PABPC4L: variants seen among roughly 807,000 people sequenced by gnomAD.
The protein encoded by PABPC4L is poly(A) binding protein cytoplasmic 4 like, also known as polyadenylate-binding protein 4-like.
For missense variants in PABPC4L, 452 were observed against 451.4 expected (o/e 1.00, Z -0.01); for synonymous variants, 169 against 164.1 (o/e 1.03, Z -0.23).
At chr4:133,998,452 A>C in the PABPC4L span, among the ~76,000 whole-genome samples, 1 of 151,960 alleles carries the variant, frequency 6.6e-6, no homozygotes, top group Non-Finnish European at 1.5e-5. Flanking sequence ...TCATAGTTTT[A>C]TATACTATTG....
At chr4:134,037,557 A>G in the PABPC4L span, among the ~76,000 whole-genome samples, 1 of 152,186 alleles carries the variant, frequency 6.6e-6, no homozygotes, top group South Asian at 2.1e-4. Flanking sequence ...AGGAATACAA[A>G]CAAATAAGCA....
At chr4:134,059,161 C>A in the PABPC4L span, among the ~76,000 whole-genome samples, 1 of 151,846 alleles carries the variant, frequency 6.6e-6, no homozygotes, top group African/African-American at 2.4e-5. Flanking sequence ...ACTCCCCAAT[C>A]TAGGAAAATG....
chr4:133,976,293 T>G, the PABPC4L span, among the ~76,000 whole-genome samples: 2 of 152,336 alleles, frequency 1.3e-5, no homozygotes, highest in East Asian at 1.9e-4. Flanking sequence ...TTCTCATTCT[T>G]TTTATGGCTG....
At chr4:134,138,486 C>T in the PABPC4L span, among the ~76,000 whole-genome samples, 1 of 151,680 alleles carries the variant, frequency 6.6e-6, no homozygotes, top group Non-Finnish European at 1.5e-5. Flanking sequence ...AAAAGGAGGA[C>T]TATTTTTAAT....
chr4:134,075,791 T>C, the PABPC4L span, among the ~76,000 whole-genome samples: 1 of 152,194 alleles, frequency 6.6e-6, no homozygotes, highest in African/African-American at 2.4e-5. Context: ...TGTAAAATTT[T>C]ATGTGTTCTA....
the PABPC4L span, among the ~76,000 whole-genome samples, chr4:134,041,543 T>C: frequency 6.6e-6 from 1 of 151,446 alleles, no homozygotes. Context: ...CACATGGATG[T>C]GGGGGTGGGG....
the PABPC4L span, among the ~76,000 whole-genome samples, chr4:134,092,515 G>A: frequency 2.6e-5 from 4 of 151,992 alleles, no homozygotes; most frequent in South Asian, 4.2e-4. Flanking sequence ...GGTACCAAGA[G>A]GGTAGGGTAT....
the PABPC4L span, among the ~76,000 whole-genome samples, chr4:134,110,429 AT>A: frequency 1.3e-4 from 20 of 151,994 alleles, no homozygotes. Flanking sequence ...TATGAAAAAT[AT>A]TTTTTTCTTA....
chr4:134,162,683 A>T, the PABPC4L span, among the ~76,000 whole-genome samples: 1 of 152,140 alleles, frequency 6.6e-6, no homozygotes, highest in African/African-American at 2.4e-5. Flanking sequence ...ACAGTGAAAT[A>T]AAACTAGAAG....
At chr4:133,965,733 A>G in the PABPC4L span, among the ~76,000 whole-genome samples, 3 of 152,182 alleles carry the variant, frequency 2.0e-5, no homozygotes, top group Non-Finnish European at 2.9e-5. Flanking sequence ...ACCCTTTTCA[A>G]CAAATGATGC....
chr4:134,063,642 C>T, the PABPC4L span, among the ~76,000 whole-genome samples: 1 of 151,882 alleles, frequency 6.6e-6, no homozygotes, highest in African/African-American at 2.4e-5. Flanking sequence ...TAAAAGTGTT[C>T]TTCGTACTAT....
chr4:134,091,566 C>T, the PABPC4L span, among the ~76,000 whole-genome samples: 5 of 151,908 alleles, frequency 3.3e-5, no homozygotes, highest in African/African-American at 1.2e-4. Context: ...TGCCCTATTC[C>T]TGAATTTAAT....
At chr4:134,107,041 T>C in the PABPC4L span, among the ~76,000 whole-genome samples, 1 of 151,444 alleles carries the variant, frequency 6.6e-6, no homozygotes, top group Non-Finnish European at 1.5e-5. Flanking sequence ...TAAATAATAA[T>C]AATATATTGA....
chr4:133,965,594 G>T, the PABPC4L span, among the ~76,000 whole-genome samples: 3 of 152,136 alleles, frequency 2.0e-5, no homozygotes, highest in Non-Finnish European at 4.4e-5. Flanking sequence ...CACCAAAACA[G>T]CATGGCACTG....
chr4:134,197,251 T>C lies in PABPC4L; in HGVS notation c.*2656A>G, dbSNP rs1380637778. ...TCTCTGAATCAAGTATTTACCAAAA[T>C]ACATGTTATTAAAAATGGAAAAGCA... On this transcript the variant is annotated 3_prime_UTR_variant, in exon 2 of 2. Coordinates refer to ENST00000421491, the MANE Select transcript of PABPC4L (RefSeq NM_001114734.2). 6.6e-6 allele frequency: 1 copy of C among 151,720 alleles called. No homozygotes were observed. The highest frequency in any genetic ancestry group is 1.5e-5 in the Non-Finnish European group (1 of 67,642). The allele number at this position is 151,720 out of a possible 1,614,324, so 9.4% of individuals were successfully genotyped here.
the PABPC4L span, among the ~76,000 whole-genome samples, chr4:134,168,438 T>A: frequency 6.6e-6 from 1 of 151,044 alleles, no homozygotes; most frequent in Non-Finnish European, 1.5e-5. Context: ...ATAAATGAAA[T>A]TGAGACAAAA....
the PABPC4L span, among the ~76,000 whole-genome samples, chr4:133,963,646 C>T: frequency 6.6e-6 from 1 of 152,156 alleles, no homozygotes; most frequent in Non-Finnish European, 1.5e-5. Context: ...AGCACTCTCT[C>T]TGACCACAGA....
At chr4:134,038,313 G>A in the PABPC4L span, among the ~76,000 whole-genome samples, 1,170 of 152,160 alleles carry the variant, frequency 7.7e-3, 16 homozygotes, top group African/African-American at 0.026. Flanking sequence ...CCAGGTTTTG[G>A]TATCAGGATG....
the PABPC4L span, among the ~76,000 whole-genome samples, chr4:134,189,553 C>T: frequency 0.012 from 1,875 of 151,736 alleles, 7 homozygotes; most frequent in Non-Finnish European, 0.017. Flanking sequence ...TGTGTATATA[C>T]ATTCACATAT....
Sources: allele counts gnomAD v4.1 joint callset (sites outside exome capture counted in the v4.1 genomes callset), GRCh38; gene constraint gnomAD v4.1.1; transcripts MANE v1.5; gene names NCBI Gene and HGNC (gene_info 2026-07-23, HGNC 2026-07-21).